FAF1: variants seen among roughly 807,000 people sequenced by gnomAD.
FAF1 encodes FAS-associated factor 1.
In FAF1, 25 loss-of-function variants were observed where a neutral mutation model predicts 92.5. The ratio of observed to expected loss-of-function variants is 0.27; its 90% CI spans 0.20 to 0.38. FAF1 has a LOEUF of 0.38. Among genes scored for constraint, FAF1 ranks in the 10% least tolerant of loss-of-function variants. The probability of loss-of-function intolerance (pLI) is 1.00; values close to 1 mark genes in which losing one functional copy is unlikely to be tolerated. For synonymous variants in FAF1, 234 were observed against 273.2 expected (o/e 0.86, Z 1.42); for missense variants, 636 against 793.3 (o/e 0.80, Z 2.38).
chr1:50,509,684 T>C (rs1647108551), intron 15 of FAF1, among the ~76,000 whole-genome samples: 1 of 152,076 alleles, frequency 6.6e-6, no homozygotes, highest in Non-Finnish European at 1.5e-5. Context: ...GACCAGGACA[T>C]TCATCTTCCA....
intron 13 of FAF1, among the ~76,000 whole-genome samples, chr1:50,542,830 T>C (rs140185861): frequency 6.6e-6 from 1 of 152,050 alleles, no homozygotes; most frequent in African/African-American, 2.4e-5. Context: ...AATGCTAAAA[T>C]TACAAATTTG....
At chr1:50,640,176 C>A (rs1286713295) in intron 8 of FAF1, among the ~76,000 whole-genome samples, 1 of 151,912 alleles carries the variant, frequency 6.6e-6, no homozygotes, top group Non-Finnish European at 1.5e-5. Flanking sequence ...ATAAATGTAA[C>A]AGCAGCCTCA....
At chr1:50,723,044 T>C (rs1658480110) in intron 6 of FAF1, among the ~76,000 whole-genome samples, 2 of 152,056 alleles carry the variant, frequency 1.3e-5, no homozygotes, top group African/African-American at 2.4e-5. Flanking sequence ...TAGTAGGAAA[T>C]AGACAAGAGA....
intron 4 of FAF1, among the ~76,000 whole-genome samples, chr1:50,744,977 T>A (rs1325686695): frequency 1.3e-5 from 2 of 152,090 alleles, no homozygotes; most frequent in African/African-American, 4.8e-5. Flanking sequence ...AAAGATAGCA[T>A]ACATTAATGA....
intron 18 of FAF1, among the ~76,000 whole-genome samples, chr1:50,456,031 C>T (rs1646348667): frequency 6.6e-6 from 1 of 152,000 alleles, no homozygotes; most frequent in African/African-American, 2.4e-5. Context: ...GCTGAGATGG[C>T]ACCACTGCAC....
At chr1:50,878,089 T>G (rs1458090125) in intron 1 of FAF1, among the ~76,000 whole-genome samples, 1 of 152,194 alleles carries the variant, frequency 6.6e-6, no homozygotes, top group African/African-American at 2.4e-5. Flanking sequence ...ATTTCTCTTT[T>G]TAATAAAACT....
At chr1:50,705,000 G>C (rs751290373) in intron 7 of FAF1, among the ~76,000 whole-genome samples, 5 of 152,172 alleles carry the variant, frequency 3.3e-5, no homozygotes, top group Non-Finnish European at 5.9e-5. Flanking sequence ...CCAAGATTAA[G>C]CATGATTAAT....
intron 1 of FAF1, among the ~76,000 whole-genome samples, chr1:50,882,308 T>C (rs1221635312): frequency 6.6e-6 from 1 of 152,138 alleles, no homozygotes; most frequent in African/African-American, 2.4e-5. Flanking sequence ...AATATACATA[T>C]GTAGGCCAGG....
At position 50,957,347 on chromosome 1, in the gene FAF1, C is replaced by CTTT. The variant is rs1188286312; in HGVS notation, c.45+2417_45+2419dup. Among the ~76,000 whole-genome samples, 426 of 104,166 alleles carry CTTT rather than the reference C, an allele frequency of 4.1e-3. 5 individuals are homozygous for CTTT. The highest frequency in any genetic ancestry group is 7.2e-3 in the South Asian group (20 of 2,772). 68.3% of individuals were successfully genotyped at this position (104,166 alleles called of 152,430 possible). On this transcript the variant is annotated intron_variant, in intron 1 of 18. Transcript: ENST00000396153. ...TTAATGGGATCGAAATTTTCATTTTCTTTTTTTTTTTTTTTTTTTTTTGAG... is the reference window on the plus strand; with the variant it reads ...TTAATGGGATCGAAATTTTCATTTTCTTTTTTTTTTTTTTTTTTTTTTTTTGAG...
chr1:50,458,264 A>G (rs944142611), intron 18 of FAF1, among the ~76,000 whole-genome samples: 1 of 152,170 alleles, frequency 6.6e-6, no homozygotes, highest in African/African-American at 2.4e-5. Flanking sequence ...ATATACATAA[A>G]CAGTAATAGT....
chr1:50,528,865 C>G (rs935990913), intron 15 of FAF1, among the ~76,000 whole-genome samples: 4 of 152,200 alleles, frequency 2.6e-5, no homozygotes, highest in African/African-American at 4.8e-5. Context: ...AGAACAAAGA[C>G]CTTTATGATA....
chr1:50,526,204 G>T (rs1442940265), intron 15 of FAF1, among the ~76,000 whole-genome samples: 1 of 151,966 alleles, frequency 6.6e-6, no homozygotes, highest in Admixed American at 6.6e-5. Flanking sequence ...ATGTTGCCTA[G>T]GCTGGTCTTG....
intron 2 of FAF1, among the ~76,000 whole-genome samples, chr1:50,810,683 A>G (rs1446846539): frequency 6.6e-6 from 1 of 152,230 alleles, no homozygotes; most frequent in Non-Finnish European, 1.5e-5. Context: ...AGAAAACCTC[A>G]TAGTTTCTGT....
chr1:50,640,574 T>G (rs889991990), intron 8 of FAF1, among the ~76,000 whole-genome samples: 2 of 152,124 alleles, frequency 1.3e-5, no homozygotes, highest in East Asian at 1.9e-4. Flanking sequence ...GCAAGTTCAA[T>G]TTTTAAAATT....
chr1:50,486,517 C>CT (rs559883643), intron 17 of FAF1, among the ~76,000 whole-genome samples: 89 of 147,690 alleles, frequency 6.0e-4, no homozygotes, highest in South Asian at 3.0e-3. Context: ...TCTGTGAAGT[C>CT]TTTTTTTTTT....
At chr1:50,941,545 G>C (rs1050720576) in intron 1 of FAF1, among the ~76,000 whole-genome samples, 2 of 151,992 alleles carry the variant, frequency 1.3e-5, no homozygotes, top group African/African-American at 4.8e-5. Flanking sequence ...TTTTTGTAGA[G>C]ACAAGATCTC....
At chr1:50,830,658 ATTTT>A (rs59396661) in intron 2 of FAF1, among the ~76,000 whole-genome samples, 1 of 143,810 alleles carries the variant, frequency 7.0e-6, no homozygotes, top group African/African-American at 2.5e-5. Flanking sequence ...CCAGTGCTCA[ATTTT>A]TTTTTTTTTT....
At chr1:50,816,499 T>G (rs554150289) in intron 2 of FAF1, among the ~76,000 whole-genome samples, 4 of 152,104 alleles carry the variant, frequency 2.6e-5, no homozygotes, top group African/African-American at 9.6e-5. Flanking sequence ...CCACCACGCC[T>G]GGCTTTTGCC....
chr1:50,528,193 C>T (rs2149033844), intron 15 of FAF1, among the ~76,000 whole-genome samples: 1 of 152,196 alleles, frequency 6.6e-6, no homozygotes, highest in Non-Finnish European at 1.5e-5. Context: ...GCATTAGCTT[C>T]TTATGGCCAA....
Sources: allele counts gnomAD v4.1 joint callset (sites outside exome capture counted in the v4.1 genomes callset), GRCh38; gene constraint gnomAD v4.1.1; transcripts MANE v1.5; gene names NCBI Gene and HGNC (gene_info 2026-07-23, HGNC 2026-07-21).